Variants in SUSD6 observed in about 807,000 individuals in gnomAD.
The protein encoded by SUSD6 is sushi domain-containing protein 6.
In SUSD6, 16 loss-of-function variants were observed where a neutral mutation model predicts 28.4. The ratio of observed to expected loss-of-function variants is 0.56; its 90% CI spans 0.38 to 0.86. SUSD6 has a LOEUF of 0.86. SUSD6 is among the 40% of genes least tolerant of loss of function. The pLI, the probability that SUSD6 is intolerant of heterozygous loss-of-function variation, is 0.00. For missense variants in SUSD6, 341 were observed against 384.2 expected (o/e 0.89, Z 0.94); for synonymous variants, 147 against 159.6 (o/e 0.92, Z 0.59).
At chr14:69,705,450 T>C (rs1886375028) in intron 4 of SUSD6, among the ~76,000 whole-genome samples, 1 of 152,088 alleles carries the variant, frequency 6.6e-6, no homozygotes, top group Non-Finnish European at 1.5e-5. Context: ...ATCAACCAAA[T>C]GAGAAGCTCT....
chr14:69,626,875 T>C (rs1297179577), intron 1 of SUSD6, among the ~76,000 whole-genome samples: 1 of 151,936 alleles, frequency 6.6e-6, no homozygotes, highest in African/African-American at 2.4e-5. Context: ...TGTTTTTTTT[T>C]TGTCTTGCTG....
intron 4 of SUSD6, among the ~76,000 whole-genome samples, chr14:69,705,550 G>T (rs920127932): frequency 3.9e-5 from 6 of 152,134 alleles, no homozygotes; most frequent in Non-Finnish European, 5.9e-5. Flanking sequence ...TGCACTCCTG[G>T]TTCCCAGTCC....
At chr14:69,617,940 A>C (rs1225753028) in intron 1 of SUSD6, among the ~76,000 whole-genome samples, 4 of 152,174 alleles carry the variant, frequency 2.6e-5, no homozygotes, top group Non-Finnish European at 1.5e-5. Context: ...GGGCTTTTCC[A>C]GGTGGACCTC....
intron 1 of SUSD6, among the ~76,000 whole-genome samples, chr14:69,646,981 A>G (rs1352583439): frequency 6.6e-6 from 1 of 152,174 alleles, no homozygotes; most frequent in East Asian, 1.9e-4. Flanking sequence ...GATTACAGGC[A>G]TGAGCCACAG....
chr14:69,624,931 C>T (rs924686276), intron 1 of SUSD6, among the ~76,000 whole-genome samples: 2 of 152,112 alleles, frequency 1.3e-5, no homozygotes, highest in Non-Finnish European at 1.5e-5. Flanking sequence ...GAATTTTTTG[C>T]TATTGGCATG....
At chr14:69,678,836 G>A (rs961235739) in intron 2 of SUSD6, among the ~76,000 whole-genome samples, 1 of 151,974 alleles carries the variant, frequency 6.6e-6, no homozygotes, top group Non-Finnish European at 1.5e-5. Flanking sequence ...AAGAAAAGAA[G>A]TTGTTAAAAA....
chr14:69,695,903 A>G (rs554112776), intron 2 of SUSD6, among the ~76,000 whole-genome samples: 1 of 152,274 alleles, frequency 6.6e-6, no homozygotes, highest in South Asian at 2.1e-4. Context: ...AGATGTCATC[A>G]CTTGTTTTTT....
chr14:69,619,638 A>G (rs1426476276), intron 1 of SUSD6, among the ~76,000 whole-genome samples: 1 of 151,724 alleles, frequency 6.6e-6, no homozygotes. Context: ...GGGCATGGTG[A>G]CACACACCTG....
chr14:69,658,669 C>T lies in SUSD6; in HGVS notation c.77C>T (p.Pro26Leu), dbSNP rs139068073. The T allele has an allele frequency of 8.1e-6, 13 of 1,613,934 alleles. No homozygotes were observed. Among genetic ancestry groups the T allele is most frequent in the African/African-American group, 2.7e-5 (2 of 74,902 alleles). ...TCCGTGGGACATGGAGTGTTCCTTC[C>T]GCTAGTGATCCTTTGCACCCTGCTT... is the stretch of plus-strand genomic sequence containing the variant. ...VASVGHGVFL[P>L]LVILCTLLGD... Residue 26 changes from proline (P) to leucine (L), a missense_variant, in exon 2 of 6, where the codon CCG becomes CTG. Coordinates refer to ENST00000342745, the MANE Select transcript of SUSD6 (RefSeq NM_014734.4).
chr14:69,708,114 C>T (rs1594725584), intron 4 of SUSD6, among the ~76,000 whole-genome samples: 1 of 152,160 alleles, frequency 6.6e-6, no homozygotes, highest in East Asian at 1.9e-4. Context: ...TGAGTCAGAA[C>T]AAAATTATTG....
At chr14:69,651,086 G>A (rs1482938783) in intron 1 of SUSD6, among the ~76,000 whole-genome samples, 1 of 152,168 alleles carries the variant, frequency 6.6e-6, no homozygotes, top group East Asian at 1.9e-4. Context: ...ACAGCTGAAA[G>A]GTCCTTTGGG....
intron 1 of SUSD6, among the ~76,000 whole-genome samples, chr14:69,642,873 C>A (rs1885373563): frequency 6.6e-6 from 1 of 152,176 alleles, no homozygotes; most frequent in Non-Finnish European, 1.5e-5. Flanking sequence ...GCCCAAAACT[C>A]AAAGGGGTCC....
At chr14:69,618,398 G>A (rs1000256070) in intron 1 of SUSD6, among the ~76,000 whole-genome samples, 9 of 152,210 alleles carry the variant, frequency 5.9e-5, no homozygotes, top group Non-Finnish European at 1.2e-4. Context: ...AGGACACTCA[G>A]CCTGTACTAG....
chr14:69,661,518 A>G lies in SUSD6; in HGVS notation c.121+2805A>G, dbSNP rs9671781. Among the ~76,000 whole-genome samples, 242 of 151,580 alleles carry G rather than the reference A, an allele frequency of 1.6e-3. 1 individual carries two copies. The highest frequency in any genetic ancestry group is 5.4e-3 in the African/African-American group (223 of 41,258). On this transcript the variant is annotated intron_variant, in intron 2 of 5. Coordinates refer to ENST00000342745, the MANE Select transcript of SUSD6 (RefSeq NM_014734.4). The stretch of plus-strand genomic sequence containing the variant: ...CCACCCCAACCTCCAAGTCTTTTCT[A>G]CTCCCCATAAAACATGTGTACTGGC...
At chr14:69,657,220 C>T (rs928221421) in intron 1 of SUSD6, among the ~76,000 whole-genome samples, 1 of 152,174 alleles carries the variant, frequency 6.6e-6, no homozygotes. Flanking sequence ...CTTTGGGAGG[C>T]TGAGATGGCG....
At chr14:69,613,549 A>AGTAGTT (rs1884913644) in intron 1 of SUSD6, among the ~76,000 whole-genome samples, 1 of 152,228 alleles carries the variant, frequency 6.6e-6, no homozygotes, top group South Asian at 2.1e-4. Context: ...TGTGATACCG[A>AGTAGTT]ATGTATGCCA....
Position 69,635,598 on chromosome 14 carries a change from CACACA to C in SUSD6, c.-80-22914_-80-22910del, listed in dbSNP as rs1566591548. Among the ~76,000 whole-genome samples, 135 of 34,974 alleles carry C rather than the reference CACACA, an allele frequency of 3.9e-3. No individual in the cohort carries two copies. In the African/African-American group the frequency reaches 0.047, roughly 12 times the overall value. 22.9% of individuals were successfully genotyped at this position (34,974 alleles called of 152,430 possible). ...CCCCCACTCCACCCAAGGCACACCA[CACACA>C]CACACACACACACACACACACACAC... is the stretch of plus-strand genomic sequence containing the variant. On this transcript the variant is annotated intron_variant, in intron 1 of 5. Transcript: ENST00000342745.
intron 1 of SUSD6, among the ~76,000 whole-genome samples, chr14:69,614,534 A>G (rs910303248): frequency 1.2e-4 from 19 of 152,152 alleles, no homozygotes; most frequent in African/African-American, 3.4e-4. Flanking sequence ...ACTTCTTTCA[A>G]GTTTATTGCT....
At chr14:69,689,851 A>G (rs1371349879) in intron 2 of SUSD6, among the ~76,000 whole-genome samples, 1 of 152,130 alleles carries the variant, frequency 6.6e-6, no homozygotes, top group Non-Finnish European at 1.5e-5. Flanking sequence ...TTTTTGGTGG[A>G]TACAAGGTTT....
Sources: allele counts gnomAD v4.1 joint callset (sites outside exome capture counted in the v4.1 genomes callset), GRCh38; gene constraint gnomAD v4.1.1; transcripts MANE v1.5; gene names NCBI Gene and HGNC (gene_info 2026-07-23, HGNC 2026-07-21).